Variants in LRBA observed in about 807,000 individuals in gnomAD.
LRBA encodes LPS responsive beige-like anchor protein.
A neutral mutation model predicts 330.0 loss-of-function variants in LRBA; 176 were observed. That is an observed-to-expected ratio of 0.53 (90% CI 0.47 to 0.60). The LOEUF (loss-of-function observed/expected upper bound fraction) is 0.60, where lower values mean the gene tolerates loss of function less well. Ranked by LOEUF, LRBA falls within the 20% of genes least tolerant of loss-of-function variation. The pLI is 0.00. For missense variants in LRBA, 3,259 were observed against 3,444.8 expected, an observed-to-expected ratio of 0.95 and a Z score of 1.35; for synonymous variants, 1,230 against 1,193.0, an observed-to-expected ratio of 1.03 and a Z score of -0.64.
chr4:150,821,485 A>AT (rs1011377171), intron 30 of LRBA, among the ~76,000 whole-genome samples: 127 of 150,394 alleles, frequency 8.4e-4, no homozygotes, highest in African/African-American at 2.8e-3. Context: ...CTGTTGCTGG[A>AT]TTTTTTTTTT....
rs928786928 is a variant in LRBA at position 150,487,670 on chromosome 4, G to A, written c.6551+62C>T. The A allele has an allele frequency of 3.3e-5, 28 of 855,318 alleles. No individual in the cohort carries two copies. In the South Asian group the frequency reaches 4.0e-4, roughly 12 times the overall value. The allele number at this position is 855,318 out of a possible 1,614,324, so 53.0% of individuals were successfully genotyped here. A position where few individuals can be genotyped will look rare whatever the true frequency, so the allele number is the denominator to read the frequency against. On this transcript the variant is annotated intron_variant, in intron 42 of 56. Transcript: ENST00000651943. The stretch of plus-strand genomic sequence containing the variant: ...TAATGTTAATAAGAATATTAATACT[G>A]GTTAATTATTATAACTATTAAGACA...
At chr4:150,974,907 G>A (rs568382010) in intron 2 of LRBA, among the ~76,000 whole-genome samples, 1 of 152,256 alleles carries the variant, frequency 6.6e-6, no homozygotes, top group Admixed American at 6.5e-5. Context: ...TTTGAAAACT[G>A]AACTGATATT....
At chr4:150,845,446 G>A (rs1283247764) in intron 26 of LRBA, among the ~76,000 whole-genome samples, 1 of 152,178 alleles carries the variant, frequency 6.6e-6, no homozygotes, top group African/African-American at 2.4e-5. Context: ...CAGGCAGTTA[G>A]ATTACTTAGA....
chr4:150,361,859 C>T (rs1738742877), intron 47 of LRBA, among the ~76,000 whole-genome samples: 1 of 151,948 alleles, frequency 6.6e-6, no homozygotes, highest in Admixed American at 6.6e-5. Flanking sequence ...CAAGCTCCGC[C>T]TCCCGGGTTC....
chr4:150,599,756 C>T (rs1046725775), intron 37 of LRBA, among the ~76,000 whole-genome samples: 1 of 152,126 alleles, frequency 6.6e-6, no homozygotes, highest in African/African-American at 2.4e-5. Flanking sequence ...ATATTCATTA[C>T]ATTTAGCCCC....
chr4:150,434,737 G>C (rs1193146667), intron 46 of LRBA, among the ~76,000 whole-genome samples: 2 of 152,070 alleles, frequency 1.3e-5, no homozygotes, highest in Non-Finnish European at 2.9e-5. Flanking sequence ...TGTGGTCCCA[G>C]CTACTCAGGA....
chr4:150,378,220 G>A (rs1046229917), intron 47 of LRBA, among the ~76,000 whole-genome samples: 3 of 152,050 alleles, frequency 2.0e-5, no homozygotes, highest in African/African-American at 7.3e-5. Flanking sequence ...TTTGGTTTTT[G>A]TACTCCATTG....
intron 28 of LRBA, among the ~76,000 whole-genome samples, chr4:150,832,350 A>T (rs978410006): frequency 2.6e-5 from 4 of 152,188 alleles, no homozygotes; most frequent in Non-Finnish European, 5.9e-5. Context: ...TAATCCCAGT[A>T]CTTTGGGGGC....
At chr4:150,990,075 C>A (rs186221552) in intron 2 of LRBA, among the ~76,000 whole-genome samples, 1 of 151,740 alleles carries the variant, frequency 6.6e-6, no homozygotes, top group East Asian at 1.9e-4. Context: ...AATATTCAAG[C>A]AAAATGAAAG....
intron 28 of LRBA, among the ~76,000 whole-genome samples, chr4:150,836,447 G>T (rs897128427): frequency 2.6e-5 from 4 of 152,118 alleles, no homozygotes; most frequent in African/African-American, 9.7e-5. Context: ...TTTTTTGGTT[G>T]TTAGGCTATT....
intron 55 of LRBA, among the ~76,000 whole-genome samples, chr4:150,281,420 A>G (rs969824247): frequency 1.2e-4 from 18 of 152,202 alleles, no homozygotes; most frequent in African/African-American, 4.3e-4. Flanking sequence ...CAGGAGACAG[A>G]GCAGCAAGGG....
At position 150,900,199 on chromosome 4, in the gene LRBA, T is replaced by C. The variant is rs373175911; in HGVS notation, c.1774A>G (p.Thr592Ala). ...CCAATGAATTCCGTGGACAGATAAG[T>C]ATAGAGCATCAGTTGAACCTACAGA... ...TPAKVQLMLY[T>A]YLSTEFIGTV... Residue 592 changes from threonine (T) to alanine (A), a missense_variant, in exon 14 of 57, where the codon ACT becomes GCT. Thr to Ala is a moderately conservative substitution (Grantham distance 58). Transcript: ENST00000651943. 37 of 1,609,588 alleles carry C rather than the reference T, an allele frequency of 2.3e-5. No homozygotes were observed. Among genetic ancestry groups the C allele is most frequent in the Non-Finnish European group, 3.0e-5 (35 of 1,177,850 alleles).
chr4:150,347,612 C>A (rs1443631083), intron 48 of LRBA, among the ~76,000 whole-genome samples: 3 of 149,974 alleles, frequency 2.0e-5, no homozygotes, highest in African/African-American at 7.4e-5. Flanking sequence ...CGCAACTGCA[C>A]TCCAGCCTGG....
intron 47 of LRBA, among the ~76,000 whole-genome samples, chr4:150,364,256 C>T (rs1003178067): frequency 6.6e-6 from 1 of 152,172 alleles, no homozygotes; most frequent in Non-Finnish European, 1.5e-5. Flanking sequence ...TATAACAATA[C>T]CAGCAGCATT....
intron 13 of LRBA, among the ~76,000 whole-genome samples, chr4:150,902,651 C>T (rs574451653): frequency 5.3e-5 from 8 of 152,350 alleles, no homozygotes; most frequent in South Asian, 4.1e-4. Context: ...TGAGCCCCTA[C>T]GCTCAGGCCT....
At chr4:150,808,537 A>T (rs1371159669) in intron 31 of LRBA, 139 bp from the exon 32 acceptor site, 1 of 563,634 alleles carries the variant, frequency 1.8e-6, no homozygotes, top group Non-Finnish European at 3.1e-6. Flanking sequence ...TAACATTAAA[A>T]TCTAACAATT....
chr4:150,393,941 T>C (rs1744362540), intron 47 of LRBA, among the ~76,000 whole-genome samples: 1 of 152,250 alleles, frequency 6.6e-6, no homozygotes, highest in Non-Finnish European at 1.5e-5. Context: ...TCAACATGTT[T>C]TCACAAGAGT....
intron 40 of LRBA, among the ~76,000 whole-genome samples, chr4:150,541,689 C>T: frequency 6.6e-6 from 1 of 152,098 alleles, no homozygotes; most frequent in Non-Finnish European, 1.5e-5. Context: ...CTTTATAATT[C>T]ATTTATTTTT....
At chr4:150,896,939 A>G (rs1276609377) in intron 15 of LRBA, among the ~76,000 whole-genome samples, 1 of 151,566 alleles carries the variant, frequency 6.6e-6, no homozygotes, top group East Asian at 1.9e-4. Flanking sequence ...TGAGCTCGTT[A>G]TGAAAATTTT....
Sources: gnomAD v4.1 joint callset for allele counts (sites outside exome capture counted in the v4.1 genomes callset) on GRCh38, gnomAD v4.1.1 for gene constraint, MANE v1.5 for transcripts, NCBI Gene and HGNC (gene_info 2026-07-23, HGNC 2026-07-21) for gene names.